The following LIMA1 variants were observed in gnomAD, a reference collection of about 807,000 sequenced individuals.
LIMA1 encodes LIM domain and actin-binding protein 1.
Under a neutral mutation model 62.6 loss-of-function variants are expected in LIMA1, and 52 were observed. The observed-to-expected ratio is 0.83, with a 90% confidence interval of 0.67 to 1.05. The LOEUF (loss-of-function observed/expected upper bound fraction) is 1.05. Ranked by LOEUF, LIMA1 falls within the 50% of genes least tolerant of loss-of-function variation. The probability of loss-of-function intolerance (pLI) is 0.00; values close to 1 mark genes in which losing one functional copy is unlikely to be tolerated. For synonymous variants in LIMA1, 302 were observed against 317.8 expected (o/e 0.95, Z 0.53); for missense variants, 780 against 902.2 (o/e 0.86, Z 1.74).
At chr12:50,273,592 G>A (rs1942241066) in intron 1 of LIMA1, among the ~76,000 whole-genome samples, 1 of 152,082 alleles carries the variant, frequency 6.6e-6, no homozygotes, top group South Asian at 2.1e-4. Context: ...ACTAACCAAT[G>A]AAAAGAAATA....
Position 50,176,993 on chromosome 12 carries a change from T to A in LIMA1, c.*71A>T, listed in dbSNP as rs1405956146. 2.4e-6 allele frequency: 3 copies of A among 1,228,686 alleles called. No homozygotes were observed. Among genetic ancestry groups the A allele is most frequent in the African/African-American group, 1.5e-5 (1 of 65,380 alleles). The allele number at this position is 1,228,686 out of a possible 1,614,324, so 76.1% of individuals were successfully genotyped here. The stretch of plus-strand genomic sequence containing the variant: ...ATGCTGGGATACCTGCTTATGTGCA[T>A]CACATTTTGACAAAGGGCAGTGGCT... On this transcript the variant is annotated 3_prime_UTR_variant, in exon 11 of 11. Transcript: ENST00000341247.
rs187202955 is a variant in LIMA1, at chr12:50,194,454, G to A, written c.1030+1376C>T. On this transcript the variant is annotated intron_variant, in intron 8 of 10. Coordinates refer to ENST00000341247, the MANE Select transcript of LIMA1 (RefSeq NM_016357.5). ...TGGGATTACAGGCGCCCACCACCAC[G>A]CCTGGCTAATTTTTGTATTTTTAGT... Among the ~76,000 whole-genome samples, 47 of 151,198 alleles carry A rather than the reference G, an allele frequency of 3.1e-4. No individual in the cohort carries two copies. The East Asian group carries it at 7.1e-3, about 23-fold the overall frequency.
chr12:50,193,523 TACACATATATGATATATATATAC>T (rs1940833373), intron 8 of LIMA1, among the ~76,000 whole-genome samples: 1 of 136,154 alleles, frequency 7.3e-6, no homozygotes, highest in African/African-American at 2.8e-5. Flanking sequence ...ATGATATATA[TACACATATATGATATATATATAC>T]ATATATATCA....
At chr12:50,211,482 TAA>T (rs35404088) in intron 4 of LIMA1, among the ~76,000 whole-genome samples, 157 of 136,700 alleles carry the variant, frequency 1.1e-3, no homozygotes, top group East Asian at 1.7e-3. Context: ...GTCTCTGCTT[TAA>T]AAAAAAAAAA....
chr12:50,267,499 G>C (rs982048995), intron 1 of LIMA1, among the ~76,000 whole-genome samples: 1 of 151,282 alleles, frequency 6.6e-6, no homozygotes, highest in African/African-American at 2.4e-5. Context: ...TTACAGGTGT[G>C]AATCACCGTG....
intron 6 of LIMA1, among the ~76,000 whole-genome samples, chr12:50,202,935 T>A (rs1814764750): frequency 6.6e-6 from 1 of 152,058 alleles, no homozygotes; most frequent in Admixed American, 6.6e-5. Context: ...TACAAAAATA[T>A]GTGTGTGTAC....
chr12:50,235,020 C>A (rs760888105), intron 2 of LIMA1, among the ~76,000 whole-genome samples: 3 of 152,016 alleles, frequency 2.0e-5, no homozygotes, highest in Non-Finnish European at 4.4e-5. Flanking sequence ...CTTGCCTTGA[C>A]CTCCAGGACT....
At chr12:50,227,583 A>G (rs1941550412) in intron 3 of LIMA1, among the ~76,000 whole-genome samples, 2 of 151,622 alleles carry the variant, frequency 1.3e-5, no homozygotes, top group African/African-American at 4.8e-5. Flanking sequence ...TGAATTGTCT[A>G]TCTTGGTGAA....
At chr12:50,275,359 G>A (rs762238847) in intron 1 of LIMA1, among the ~76,000 whole-genome samples, 3 of 152,044 alleles carry the variant, frequency 2.0e-5, no homozygotes, top group Non-Finnish European at 4.4e-5. Flanking sequence ...GAATGAAACT[G>A]TGTCTCAAAA....
At chr12:50,181,704 A>AT (rs2138382758) in intron 10 of LIMA1, among the ~76,000 whole-genome samples, 200 bp downstream of exon 10, 1 of 152,352 alleles carries the variant, frequency 6.6e-6, no homozygotes, top group Non-Finnish European at 1.5e-5. Flanking sequence ...GTAAATTAAC[A>AT]TATCAATACA....
rs1239845829 is a variant in LIMA1, at chr12:50,238,840, GCT to G, written c.120-7132_120-7131del. Among the ~76,000 whole-genome samples, 3 of 150,648 alleles carry G rather than the reference GCT, an allele frequency of 2.0e-5. No individual in the cohort carries two copies. The East Asian group carries it at 5.8e-4, about 29-fold the overall frequency. On this transcript the variant is annotated intron_variant, in intron 2 of 10. Coordinates refer to ENST00000341247, the MANE Select transcript of LIMA1 (RefSeq NM_016357.5). ...ACTCCAGCCTGGGCGACAGAGCGAG[GCT>G]CTGTCTCACGAAGAAAAAAAAAATC...
intron 1 of LIMA1, among the ~76,000 whole-genome samples, chr12:50,255,585 TAAAGAAAAG>T (rs986971006): frequency 1.9e-4 from 26 of 138,818 alleles, no homozygotes; most frequent in Admixed American, 4.3e-4. Flanking sequence ...AAAAAAAAAG[TAAAGAAAAG>T]AAAGAAAAGA....
At chr12:50,225,967 T>C (rs571790264) in intron 3 of LIMA1, among the ~76,000 whole-genome samples, 1 of 152,360 alleles carries the variant, frequency 6.6e-6, no homozygotes, top group East Asian at 1.9e-4. Context: ...ATCTCATTAT[T>C]AATTTACATT....
At chr12:50,227,107 A>G (rs919236093) in intron 3 of LIMA1, among the ~76,000 whole-genome samples, 1 of 152,050 alleles carries the variant, frequency 6.6e-6, no homozygotes, top group Admixed American at 6.6e-5. Flanking sequence ...GTGTATCTAT[A>G]TAGACAGAGT....
At chr12:50,283,152 C>A (rs887477920) in intron 1 of LIMA1, among the ~76,000 whole-genome samples, 1 of 152,000 alleles carries the variant, frequency 6.6e-6, no homozygotes, top group African/African-American at 2.4e-5. Flanking sequence ...AGTTAGAATG[C>A]AGTGTTCTCG....
At chr12:50,247,641 T>TTA (rs1433679716) in intron 2 of LIMA1, among the ~76,000 whole-genome samples, 7 of 51,736 alleles carry the variant, frequency 1.4e-4, no homozygotes, top group Non-Finnish European at 1.5e-4. Flanking sequence ...TATTATTATT[T>TTA]AAGACAGAGT....
At chr12:50,236,788 G>T (rs1414215742) in intron 2 of LIMA1, among the ~76,000 whole-genome samples, 1 of 152,064 alleles carries the variant, frequency 6.6e-6, no homozygotes, top group African/African-American at 2.4e-5. Flanking sequence ...CTAATATGCA[G>T]TTGGGTTGGG....
chr12:50,200,613 C>G (rs1158410174), intron 7 of LIMA1, among the ~76,000 whole-genome samples, 164 bp downstream of exon 7: 1 of 152,226 alleles, frequency 6.6e-6, no homozygotes, highest in East Asian at 1.9e-4. Context: ...TGCAGAGCTA[C>G]TCAACTGAAA....
intron 2 of LIMA1, among the ~76,000 whole-genome samples, chr12:50,238,811 C>G (rs1260629246): frequency 2.6e-5 from 4 of 151,292 alleles, no homozygotes; most frequent in African/African-American, 7.3e-5. Flanking sequence ...GATTGCACCA[C>G]TGCACTCCAG....
Sources: allele counts gnomAD v4.1 joint callset (sites outside exome capture counted in the v4.1 genomes callset), GRCh38; gene constraint gnomAD v4.1.1; transcripts MANE v1.5; gene names NCBI Gene and HGNC (gene_info 2026-07-23, HGNC 2026-07-21).